KLHL32: variants seen among roughly 807,000 people sequenced by gnomAD.
The protein encoded by KLHL32 is kelch-like protein 32.
In KLHL32, 35 loss-of-function variants were observed where a neutral mutation model predicts 64.8. The observed-to-expected ratio is 0.54, with a 90% CI of 0.41 to 0.72. KLHL32 has a LOEUF of 0.72. Among genes scored for constraint, KLHL32 ranks in the 30% least tolerant of loss-of-function variants. The pLI is 0.00. For synonymous variants in KLHL32, 259 were observed against 281.0 expected, an observed-to-expected ratio of 0.92 and a Z score of 0.78; for missense variants, 589 against 768.5, an observed-to-expected ratio of 0.77 and a Z score of 2.76.
intron 4 of KLHL32, among the ~76,000 whole-genome samples, chr6:97,059,758 C>T (rs1286005504): frequency 6.6e-6 from 1 of 152,158 alleles, no homozygotes; most frequent in Non-Finnish European, 1.5e-5. Context: ...TGTGAGAATT[C>T]TGTCATAAAT....
At chr6:97,058,623 G>A (rs1788390564) in intron 4 of KLHL32, among the ~76,000 whole-genome samples, 1 of 152,182 alleles carries the variant, frequency 6.6e-6, no homozygotes, top group Admixed American at 6.5e-5. Context: ...GATGTAAATG[G>A]AAGTCTCTGT....
chr6:97,030,845 T>C (rs1414414594), intron 3 of KLHL32, among the ~76,000 whole-genome samples: 1 of 147,094 alleles, frequency 6.8e-6, no homozygotes, highest in Non-Finnish European at 1.5e-5. Context: ...ATTCTTTTTG[T>C]TTATGACACT....
chr6:97,117,797 G>C (rs1342762394), intron 7 of KLHL32, among the ~76,000 whole-genome samples: 1 of 152,104 alleles, frequency 6.6e-6, no homozygotes, highest in African/African-American at 2.4e-5. Flanking sequence ...TTTTTTGTGT[G>C]TGAGGGAAAA....
intron 3 of KLHL32, among the ~76,000 whole-genome samples, chr6:97,019,413 G>C (rs1345482779): frequency 6.6e-6 from 1 of 152,208 alleles, no homozygotes; most frequent in Non-Finnish European, 1.5e-5. Flanking sequence ...GGGAACACAG[G>C]AGCTAAAATG....
chr6:96,925,619 G>A (rs570610511), intron 1 of KLHL32, among the ~76,000 whole-genome samples: 1 of 152,184 alleles, frequency 6.6e-6, no homozygotes, highest in East Asian at 1.9e-4. Flanking sequence ...TCACTTAGTC[G>A]TGATTATTTT....
At chr6:97,082,081 G>A (rs919960926) in intron 5 of KLHL32, among the ~76,000 whole-genome samples, 3 of 152,212 alleles carry the variant, frequency 2.0e-5, no homozygotes, top group African/African-American at 7.2e-5. Context: ...TGAAAAGAGA[G>A]GATTGAGAGT....
At chr6:97,081,175 G>A (rs556738826) in intron 5 of KLHL32, among the ~76,000 whole-genome samples, 44 of 152,256 alleles carry the variant, frequency 2.9e-4, no homozygotes, top group Admixed American at 9.2e-4. Flanking sequence ...AGTGAGGGGG[G>A]AAAAGTGGAC....
At chr6:97,006,593 T>A (rs1473346475) in intron 3 of KLHL32, among the ~76,000 whole-genome samples, 1 of 152,194 alleles carries the variant, frequency 6.6e-6, no homozygotes, top group African/African-American at 2.4e-5. Flanking sequence ...GTGTAGTTGC[T>A]CTATATACTT....
At chr6:96,914,149 G>A in the KLHL32 span, among the ~76,000 whole-genome samples, 3 of 152,142 alleles carry the variant, frequency 2.0e-5, no homozygotes, top group Non-Finnish European at 4.4e-5. Flanking sequence ...CTGGCAGAGA[G>A]GCACAGAAAC....
At chr6:97,099,547 T>A (rs556130261) in intron 6 of KLHL32, among the ~76,000 whole-genome samples, 1 of 152,352 alleles carries the variant, frequency 6.6e-6, no homozygotes, top group Admixed American at 6.5e-5. Flanking sequence ...AGCTACTACC[T>A]TCTACTCATT....
At position 97,014,294 on chromosome 6, in the gene KLHL32, C is replaced by CA. The variant is rs778174425; in HGVS notation, c.205-27182dup. Among the ~76,000 whole-genome samples the CA allele has an allele frequency of 2.1e-3, 201 of 94,184 alleles. 1 individual carries two copies. Among genetic ancestry groups the CA allele is most frequent in the East Asian group, 2.1e-3 (7 of 3,358 alleles). 61.8% of individuals were successfully genotyped at this position (94,184 alleles called of 152,430 possible). On this transcript the variant is annotated intron_variant, in intron 3 of 10. Transcript: ENST00000369261. ...TGGGTGACAGAGCGAGACTCCGTCTCAAAAAAAAAAAAAAAAGTTTCTTTT... is the reference window on the plus strand; with the variant it reads ...TGGGTGACAGAGCGAGACTCCGTCTCAAAAAAAAAAAAAAAAAGTTTCTTTT...
At chr6:97,064,541 AAATATACTATGGTAT>A in intron 4 of KLHL32, 72 bp from the exon 5 acceptor site, 1 of 891,512 alleles carries the variant, frequency 1.1e-6, no homozygotes, top group Middle Eastern at 2.8e-4. Context: ...GCAGCAATTT[AAATATACTATGGTAT>A]ATCTACATAT....
intron 3 of KLHL32, among the ~76,000 whole-genome samples, chr6:96,986,749 G>C (rs112286670): frequency 6.6e-6 from 1 of 152,224 alleles, no homozygotes; most frequent in African/African-American, 2.4e-5. Context: ...GGAGTGACCC[G>C]ATTTTCCAGG....
chr6:97,029,933 G>A (rs1344669357), intron 3 of KLHL32, among the ~76,000 whole-genome samples: 3 of 152,196 alleles, frequency 2.0e-5, no homozygotes, highest in Admixed American at 6.5e-5. Context: ...GCATATAGAA[G>A]ATGTAAGATG....
intron 3 of KLHL32, chr6:96,994,721 A>T: frequency 2.5e-6 from 2 of 803,306 alleles, no homozygotes; most frequent in Non-Finnish European, 3.0e-6. Flanking sequence ...AAGTGAAAAA[A>T]CACATTTTTC....
intron 5 of KLHL32, among the ~76,000 whole-genome samples, chr6:97,078,461 T>G (rs562537711): frequency 2.6e-4 from 39 of 152,316 alleles, no homozygotes; most frequent in African/African-American, 8.7e-4. Flanking sequence ...AACAAAGCAT[T>G]GTTAAAATAG....
At chr6:97,032,266 T>G (rs1216868257) in intron 3 of KLHL32, among the ~76,000 whole-genome samples, 1 of 152,250 alleles carries the variant, frequency 6.6e-6, no homozygotes, top group Non-Finnish European at 1.5e-5. Flanking sequence ...AAATTAAGTC[T>G]CTTTTTTCCC....
At chr6:97,120,947 T>C (rs143367426) in intron 7 of KLHL32, among the ~76,000 whole-genome samples, 2,075 of 152,298 alleles carry the variant, frequency 0.014, 25 homozygotes, top group Non-Finnish European at 0.022. Flanking sequence ...TACTCTAGTA[T>C]TGAACTGAGG....
At chr6:97,077,632 G>A (rs2017376) in intron 5 of KLHL32, among the ~76,000 whole-genome samples, 75,454 of 151,914 alleles carry the variant, frequency 0.5, 19,597 homozygotes, top group African/African-American at 0.64. Flanking sequence ...GCATCGCAAG[G>A]GACTTTCTGA....
Sources: gnomAD v4.1 joint callset for allele counts (sites outside exome capture counted in the v4.1 genomes callset) on GRCh38, gnomAD v4.1.1 for gene constraint, MANE v1.5 for transcripts, NCBI Gene and HGNC (gene_info 2026-07-23, HGNC 2026-07-21) for gene names.